NRP2: variants seen among roughly 807,000 people sequenced by gnomAD.
NRP2 encodes the protein neuropilin 2, also known as neuropilin-2.
In NRP2, 52 loss-of-function variants were observed where a neutral mutation model predicts 110.4. The observed-to-expected ratio is 0.47, with a 90% CI of 0.38 to 0.59. The LOEUF (loss-of-function observed/expected upper bound fraction) is 0.59, where lower values mean the gene tolerates loss of function less well. Among genes scored for constraint, NRP2 ranks in the 20% least tolerant of loss-of-function variants. The pLI, the probability that NRP2 is intolerant of heterozygous loss-of-function variation, is 0.00. For synonymous variants in NRP2, 508 were observed against 468.9 expected, an observed-to-expected ratio of 1.08 and a Z score of -1.08; for missense variants, 1,049 against 1,203.0, an observed-to-expected ratio of 0.87 and a Z score of 1.89.
At chr2:205,741,274 T>C (rs1301935521) in intron 8 of NRP2, among the ~76,000 whole-genome samples, 2 of 152,210 alleles carry the variant, frequency 1.3e-5, no homozygotes, top group African/African-American at 2.4e-5. Flanking sequence ...AAGTACATCG[T>C]AGGGGATTTG....
At position 205,727,886 on chromosome 2, in the gene NRP2, C is replaced by A; in HGVS notation, c.991-5C>A. ...GGTCTCTTACTCCAGCCCTCTATTC[C>A]CCAGGTGGACCTGCGCTTTTTAACC... On this transcript the variant is annotated splice_region_variant and splice_polypyrimidine_tract_variant and intron_variant, in intron 6 of 16. Transcript: ENST00000357785. 6.2e-7 allele frequency: 1 copy of A among 1,611,946 alleles called. No individual in the cohort carries two copies. Among genetic ancestry groups the A allele is most frequent in the Middle Eastern group, 1.7e-4 (1 of 6,058 alleles).
chr2:205,775,771 T>C (rs190816087), intron 15 of NRP2, among the ~76,000 whole-genome samples: 110 of 152,290 alleles, frequency 7.2e-4, no homozygotes, highest in African/African-American at 2.5e-3. Context: ...TCTGCCTCAC[T>C]GAATCCCGGA....
chr2:205,790,935 C>A (rs2058294257), intron 15 of NRP2, among the ~76,000 whole-genome samples: 1 of 152,178 alleles, frequency 6.6e-6, no homozygotes, highest in African/African-American at 2.4e-5. Flanking sequence ...TAAGTGGGGT[C>A]TTGGCAAGTT....
chr2:205,794,953 G>A lies in NRP2; in HGVS notation c.2676G>A (p.Leu892=). ...ACTGCACCTGTTCCTACTCGGGCCT[G>A]AGCTCCCGAAGCTGCACCACACTGG... ...LLYCTCSYSG[L]SSRSCTTLEN... is the part of the protein sequence containing the mutation. Residue 892 remains leucine (L), a synonymous_variant, in exon 17 of 17, where the codon CTG becomes CTA. Coordinates refer to ENST00000357785, the MANE Select transcript of NRP2 (RefSeq NM_003872.3). 1 of 1,614,154 alleles carries A rather than the reference G, an allele frequency of 6.2e-7. No individual in the cohort carries two copies. The highest frequency in any genetic ancestry group is 8.5e-7 in the Non-Finnish European group (1 of 1,180,034).
chr2:205,776,452 A>G (rs1559363899), intron 15 of NRP2: 5 of 1,612,846 alleles, frequency 3.1e-6, no homozygotes, highest in South Asian at 2.2e-5. Context: ...CTCCCACTAC[A>G]CCAACGGGGC....
At chr2:205,762,781 T>A (rs1430647260) in intron 12 of NRP2, among the ~76,000 whole-genome samples, 2 of 152,208 alleles carry the variant, frequency 1.3e-5, no homozygotes, top group Admixed American at 6.5e-5. Context: ...AGGTCACACC[T>A]GTGTTCTGCA....
At chr2:205,752,590 C>T (rs561632535) in intron 11 of NRP2, 28 of 520,634 alleles carry the variant, frequency 5.4e-5, no homozygotes, top group Non-Finnish European at 9.0e-5. Flanking sequence ...ATTTGGTAGC[C>T]TCATTCATAA....
chr2:205,723,346 A>G (rs550621422), intron 4 of NRP2, among the ~76,000 whole-genome samples: 2 of 152,310 alleles, frequency 1.3e-5, no homozygotes, highest in African/African-American at 4.8e-5. Flanking sequence ...TATAAAGGAG[A>G]CTTGATGACT....
At chr2:205,710,735 GT>G (rs888583371) in intron 2 of NRP2, among the ~76,000 whole-genome samples, 1 of 151,896 alleles carries the variant, frequency 6.6e-6, no homozygotes, top group Non-Finnish European at 1.5e-5. Flanking sequence ...TGACAGTGCT[GT>G]TTTTTTTCCT....
chr2:205,795,182 G>C lies in NRP2; in HGVS notation c.*124G>C. ...GATCAAACCGATCCAGAATACCGAA[G>C]GTATGGACAGGACAGAAAAGCGAGT... On this transcript the variant is annotated 3_prime_UTR_variant, in exon 17 of 17. Coordinates refer to ENST00000357785, the MANE Select transcript of NRP2 (RefSeq NM_003872.3). The C allele has an allele frequency of 1.0e-6, 1 of 992,060 alleles. No homozygotes were observed. 61.5% of individuals were successfully genotyped at this position (992,060 alleles called of 1,614,324 possible). A position where few individuals can be genotyped will look rare whatever the true frequency, so the allele number is the denominator to read the frequency against.
At chr2:205,735,487 T>C (rs2057326518) in intron 7 of NRP2, among the ~76,000 whole-genome samples, 1 of 148,256 alleles carries the variant, frequency 6.7e-6, no homozygotes, top group Non-Finnish European at 1.5e-5. Context: ...ATATAATGTA[T>C]ATTATAGAAT....
rs2058362795 is a variant in NRP2 at position 205,797,781 on chromosome 2, T to C, written c.*2723T>C. 1 of 152,704 alleles carries C rather than the reference T, an allele frequency of 6.5e-6. No individual in the cohort carries two copies. Among genetic ancestry groups the C allele is most frequent in the African/African-American group, 2.4e-5 (1 of 41,458 alleles). The allele number at this position is 152,704 out of a possible 1,614,324, so 9.5% of individuals were successfully genotyped here. Reference sequence around the variant, plus strand: ...TATTGATCTCCTTTTTGCCTTGTACTGAATGACACATTACCTCCACACTCT... The same window carrying C: ...TATTGATCTCCTTTTTGCCTTGTACCGAATGACACATTACCTCCACACTCT... On this transcript the variant is annotated 3_prime_UTR_variant, in exon 17 of 17. Coordinates refer to ENST00000357785, the MANE Select transcript of NRP2 (RefSeq NM_003872.3).
rs1007354264 is a variant in NRP2 at position 205,796,437 on chromosome 2, TACACACATGCACGCAC to T, written c.*1380_*1395del. ...ATACACACATGCACGCACACACACA[TACACACATGCACGCAC>T]GCACGCATGCACACCAATTTATGTT... is the stretch of plus-strand genomic sequence containing the variant. On this transcript the variant is annotated 3_prime_UTR_variant, in exon 17 of 17. Transcript: ENST00000357785. 31 of 152,630 alleles carry T rather than the reference TACACACATGCACGCAC, an allele frequency of 2.0e-4. No homozygotes were observed. Among genetic ancestry groups the T allele is most frequent in the Non-Finnish European group, 3.8e-4 (26 of 68,036 alleles). 9.5% of individuals were successfully genotyped at this position (152,630 alleles called of 1,614,324 possible).
chr2:205,728,773 C>T (rs1369510953), intron 7 of NRP2, among the ~76,000 whole-genome samples: 2 of 152,208 alleles, frequency 1.3e-5, no homozygotes, highest in African/African-American at 2.4e-5. Context: ...GCACACTCAG[C>T]CCATGGGGGC....
chr2:205,713,250 C>A (rs1156835970), intron 2 of NRP2, among the ~76,000 whole-genome samples: 1 of 152,130 alleles, frequency 6.6e-6, no homozygotes, highest in African/African-American at 2.4e-5. Flanking sequence ...CTTTGTCCTT[C>A]CTAGAGAAAT....
intron 15 of NRP2, among the ~76,000 whole-genome samples, chr2:205,785,809 T>G (rs981657995): frequency 2.0e-5 from 3 of 152,248 alleles, no homozygotes; most frequent in African/African-American, 7.2e-5. Flanking sequence ...CAATTCTTTT[T>G]AGTGTTTCCT....
chr2:205,774,024 C>G (rs1284329612), intron 15 of NRP2, among the ~76,000 whole-genome samples: 1 of 152,200 alleles, frequency 6.6e-6, no homozygotes, highest in East Asian at 1.9e-4. Flanking sequence ...AAATCAGAGA[C>G]AAACCCCAGG....
chr2:205,697,486 G>C (rs142151813), intron 1 of NRP2, 58 bp from the exon 2 acceptor site: 25 of 1,468,970 alleles, frequency 1.7e-5, no homozygotes, highest in African/African-American at 1.5e-4. Context: ...GAGGGAGTGT[G>C]GGGGGAAGAA....
intron 15 of NRP2, chr2:205,778,100 C>T (rs1345013759): frequency 6.6e-6 from 1 of 152,126 alleles, no homozygotes; most frequent in African/African-American, 2.4e-5. Context: ...GTCTCAGCCT[C>T]GGGAGCATTT....
Sources: allele counts gnomAD v4.1 joint callset (sites outside exome capture counted in the v4.1 genomes callset), GRCh38; gene constraint gnomAD v4.1.1; transcripts MANE v1.5; gene names NCBI Gene and HGNC (gene_info 2026-07-23, HGNC 2026-07-21).